Variants in TSPAN9 observed in about 807,000 individuals in gnomAD.
TSPAN9 encodes tetraspanin-9.
In TSPAN9, 16 loss-of-function variants were observed where a neutral mutation model predicts 31.0. That is an observed-to-expected ratio of 0.52 (90% CI 0.35 to 0.78). TSPAN9 has a LOEUF of 0.78. TSPAN9 is among the 30% of genes least tolerant of loss of function. The pLI, the probability that TSPAN9 is intolerant of heterozygous loss-of-function variation, is 0.01. For synonymous variants in TSPAN9, 145 were observed against 121.6 expected (o/e 1.19, Z -1.27); for missense variants, 272 against 312.5 (o/e 0.87, Z 0.98).
intron 3 of TSPAN9, among the ~76,000 whole-genome samples, chr12:3,261,151 G>T (rs917384545): frequency 6.6e-6 from 1 of 152,198 alleles, no homozygotes; most frequent in African/African-American, 2.4e-5. Flanking sequence ...CAGGAGATTT[G>T]CGGGGATGTG....
At chr12:3,175,645 G>A (rs1471943229) in intron 2 of TSPAN9, among the ~76,000 whole-genome samples, 1 of 152,172 alleles carries the variant, frequency 6.6e-6, no homozygotes, top group African/African-American at 2.4e-5. Context: ...CCAGGGTCGC[G>A]GGAGGGAGTG....
At chr12:3,239,518 C>T (rs889613712) in intron 3 of TSPAN9, among the ~76,000 whole-genome samples, 3 of 152,200 alleles carry the variant, frequency 2.0e-5, no homozygotes, top group African/African-American at 7.2e-5. Flanking sequence ...GCCAGGCAGC[C>T]GCCACCTTCC....
chr12:3,247,353 A>T (rs1862158458), intron 3 of TSPAN9, among the ~76,000 whole-genome samples: 1 of 124,530 alleles, frequency 8.0e-6, no homozygotes, highest in South Asian at 2.9e-4. Context: ...CAGTCGCCAG[A>T]TGGTTGGAGT....
intron 2 of TSPAN9, among the ~76,000 whole-genome samples, chr12:3,099,623 T>C (rs2098310852): frequency 1.3e-5 from 2 of 152,232 alleles, no homozygotes; most frequent in African/African-American, 4.8e-5. Context: ...TTGATGGGTA[T>C]TGGGTTTTGT....
In TSPAN9 at chr12:3,126,789, A is replaced by G. The variant is rs567925680; in HGVS notation, c.-18+43070A>G. On this transcript the variant is annotated intron_variant, in intron 2 of 8. Coordinates refer to ENST00000011898, the MANE Select transcript of TSPAN9 (RefSeq NM_006675.5). ...TAACTACTTGGGAGGCTGAAGTGGG[A>G]GGATTGCTTGAGTGTAGGAGGTGGA... Among the ~76,000 whole-genome samples, 94 of 152,004 alleles carry G rather than the reference A, an allele frequency of 6.2e-4. 1 individual carries two copies. The highest frequency in any genetic ancestry group is 2.1e-3 in the African/African-American group (88 of 41,470).
intron 2 of TSPAN9, among the ~76,000 whole-genome samples, chr12:3,111,793 G>A (rs149506577): frequency 0.011 from 1,652 of 152,040 alleles, 28 homozygotes; most frequent in Middle Eastern, 0.017. Context: ...TGTATTTTTA[G>A]TAGAGACAGG....
chr12:3,273,824 C>T (rs1243704852), intron 3 of TSPAN9, among the ~76,000 whole-genome samples: 1 of 152,222 alleles, frequency 6.6e-6, no homozygotes, highest in African/African-American at 2.4e-5. Flanking sequence ...ACTTCATGGC[C>T]AACCTGTCTC....
intron 2 of TSPAN9, among the ~76,000 whole-genome samples, chr12:3,164,787 A>T (rs1051814995): frequency 3.3e-5 from 5 of 152,166 alleles, no homozygotes; most frequent in Admixed American, 3.3e-4. Context: ...TGCTGCCACC[A>T]ATGGGCCACA....
At chr12:3,176,393 G>A (rs1001662924) in intron 2 of TSPAN9, among the ~76,000 whole-genome samples, 1 of 152,230 alleles carries the variant, frequency 6.6e-6, no homozygotes, top group Non-Finnish European at 1.5e-5. Context: ...AAGGCATGAG[G>A]AACCACGCGG....
intron 2 of TSPAN9, among the ~76,000 whole-genome samples, chr12:3,181,216 G>A (rs2098358437): frequency 6.6e-6 from 1 of 152,130 alleles, no homozygotes; most frequent in South Asian, 2.1e-4. Flanking sequence ...TCATGATGGG[G>A]ATGATAATTA....
intron 3 of TSPAN9, among the ~76,000 whole-genome samples, chr12:3,243,637 A>G (rs2098397794): frequency 6.6e-6 from 1 of 152,118 alleles, no homozygotes; most frequent in Admixed American, 6.5e-5. Context: ...GCAGCCAGGC[A>G]TCGGCCCTCC....
At chr12:3,205,756 G>T (rs1472826656) in intron 3 of TSPAN9, among the ~76,000 whole-genome samples, 1 of 151,582 alleles carries the variant, frequency 6.6e-6, no homozygotes, top group Non-Finnish European at 1.5e-5. Context: ...GAGGGGTTCA[G>T]GCTGTCTTCC....
At chr12:3,098,291 C>T (rs1319437208) in intron 2 of TSPAN9, among the ~76,000 whole-genome samples, 1 of 152,214 alleles carries the variant, frequency 6.6e-6, no homozygotes, top group Non-Finnish European at 1.5e-5. Flanking sequence ...AGAATGTTTT[C>T]ATTGCCTCTG....
At chr12:3,110,891 T>C (rs530066934) in intron 2 of TSPAN9, among the ~76,000 whole-genome samples, 19 of 152,358 alleles carry the variant, frequency 1.2e-4, no homozygotes, top group Middle Eastern at 6.8e-3. Context: ...ATGTGTTGAT[T>C]CTTCAATTTT....
intron 2 of TSPAN9, among the ~76,000 whole-genome samples, chr12:3,150,149 C>T (rs371786747): frequency 2.0e-5 from 3 of 152,198 alleles, no homozygotes; most frequent in Non-Finnish European, 4.4e-5. Context: ...GGGAGATGCC[C>T]GCTGGGCCCG....
At chr12:3,204,537 C>G (rs1268352068) in intron 3 of TSPAN9, among the ~76,000 whole-genome samples, 1 of 152,134 alleles carries the variant, frequency 6.6e-6, no homozygotes. Flanking sequence ...CAGGTCTGCT[C>G]CTGACACTGC....
intron 2 of TSPAN9, among the ~76,000 whole-genome samples, chr12:3,118,962 C>T (rs2098323856): frequency 6.6e-6 from 1 of 152,168 alleles, no homozygotes; most frequent in Admixed American, 6.5e-5. Context: ...ACCGAGATCG[C>T]CCTGTCCACA....
chr12:3,092,485 C>T (rs148879734), intron 2 of TSPAN9, among the ~76,000 whole-genome samples: 153 of 152,244 alleles, frequency 1.0e-3, no homozygotes, highest in Middle Eastern at 6.8e-3. Context: ...TCATAGTTCC[C>T]GAGGGCCCAG....
intron 2 of TSPAN9, among the ~76,000 whole-genome samples, chr12:3,089,565 G>A (rs879792599): frequency 3.2e-4 from 48 of 152,008 alleles, no homozygotes; most frequent in Non-Finnish European, 6.6e-4. Context: ...AAAGTGCTGG[G>A]ATTACAGGTG....
Sources: allele counts gnomAD v4.1 joint callset (sites outside exome capture counted in the v4.1 genomes callset), GRCh38; gene constraint gnomAD v4.1.1; transcripts MANE v1.5; gene names NCBI Gene and HGNC (gene_info 2026-07-23, HGNC 2026-07-21).